Variants in KMT2C observed in about 807,000 individuals in gnomAD.
The protein encoded by KMT2C is lysine methyltransferase 2C, also known as histone-lysine N-methyltransferase 2C.
Under a neutral mutation model 507.9 loss-of-function variants are expected in KMT2C, and 88 were observed. The ratio of observed to expected loss-of-function variants is 0.17; its 90% CI spans 0.15 to 0.21. The LOEUF (loss-of-function observed/expected upper bound fraction) is 0.21. Ranked by LOEUF, KMT2C falls within the 10% of genes least tolerant of loss-of-function variation. The probability of loss-of-function intolerance (pLI) is 1.00; values close to 1 mark genes in which losing one functional copy is unlikely to be tolerated. For missense variants in KMT2C, 4,954 were observed against 5,957.8 expected, an observed-to-expected ratio of 0.83 and a Z score of 5.55; for synonymous variants, 2,049 against 2,080.8, an observed-to-expected ratio of 0.98 and a Z score of 0.42.
chr7:152,284,824 T>C (rs2096270519), intron 6 of KMT2C, among the ~76,000 whole-genome samples: 3 of 152,240 alleles, frequency 2.0e-5, no homozygotes, highest in African/African-American at 4.8e-5. Flanking sequence ...TCAATCTAAT[T>C]AATCATCAGG....
intron 5 of KMT2C, among the ~76,000 whole-genome samples, chr7:152,311,154 C>CA (rs1285667162): frequency 2.6e-5 from 4 of 152,094 alleles, no homozygotes; most frequent in African/African-American, 7.2e-5. Context: ...ATAAAGCAAA[C>CA]AAAGTATTAC....
chr7:152,399,915 C>A (rs2097561399), intron 1 of KMT2C, among the ~76,000 whole-genome samples: 2 of 150,878 alleles, frequency 1.3e-5, no homozygotes, highest in African/African-American at 4.9e-5. Context: ...GATGGCCAGA[C>A]CAAAAAAAAA....
chr7:152,281,550 G>T (rs569135741), intron 6 of KMT2C, among the ~76,000 whole-genome samples: 1 of 152,320 alleles, frequency 6.6e-6, no homozygotes, highest in African/African-American at 2.4e-5. Context: ...TGGCCAACAT[G>T]GTGAGACCCC....
At chr7:152,216,696 C>T (rs2098219) in intron 23 of KMT2C, among the ~76,000 whole-genome samples, 1 of 152,188 alleles carries the variant, frequency 6.6e-6, no homozygotes, top group African/African-American at 2.4e-5. Flanking sequence ...AAACATTAAG[C>T]TCATAGAATA....
intron 6 of KMT2C, among the ~76,000 whole-genome samples, chr7:152,282,820 T>C (rs1458402035): frequency 1.3e-5 from 2 of 152,198 alleles, no homozygotes; most frequent in African/African-American, 4.8e-5. Flanking sequence ...TTGCTATATA[T>C]ATAGCAAAGT....
intron 18 of KMT2C, among the ~76,000 whole-genome samples, chr7:152,224,858 A>G (rs1475167284): frequency 6.6e-6 from 1 of 152,170 alleles, no homozygotes; most frequent in Non-Finnish European, 1.5e-5. Context: ...AGTCCACATA[A>G]TTACCTTATG....
chr7:152,151,065 G>T, intron 50 of KMT2C, 58 bp from the exon 51 acceptor site: 2 of 1,004,312 alleles, frequency 2.0e-6, no homozygotes. Context: ...AATAAAAACA[G>T]GATCTATACA....
chr7:152,152,803 A>G lies in KMT2C; in HGVS notation c.12428T>C (p.Leu4143Pro), dbSNP rs2129097563. The change falls in exon 49 of 59, where the codon CTT (leucine) becomes CCT (proline). Residue 4143 changes from leucine (L) to proline (P), a missense_variant. By Grantham distance (98) the Leu-to-Pro change is moderately conservative. Coordinates refer to ENST00000262189, the MANE Select transcript of KMT2C (RefSeq NM_170606.3). ...AGATCCTGGCGGAGGCCCACGGAGA[A>G]GTAAATGCTGTCGATACTCCAAACC... is the stretch of plus-strand genomic sequence containing the variant. ...NPGLEYRQHL[L>P]LRGPPPGSAN... 1 of 1,614,190 alleles carries G rather than the reference A, an allele frequency of 6.2e-7. No homozygotes were observed.
chr7:152,338,281 T>C (rs2096957293), intron 2 of KMT2C, among the ~76,000 whole-genome samples: 1 of 152,238 alleles, frequency 6.6e-6, no homozygotes, highest in African/African-American at 2.4e-5. Context: ...AGAGTTAATA[T>C]ATCATTAATT....
chr7:152,375,302 A>C (rs1171612414), intron 1 of KMT2C, among the ~76,000 whole-genome samples: 1 of 149,170 alleles, frequency 6.7e-6, no homozygotes, highest in Non-Finnish European at 1.5e-5. Context: ...TCGGCCTCCC[A>C]AAGTGCTGGG....
intron 2 of KMT2C, among the ~76,000 whole-genome samples, chr7:152,342,597 TA>T (rs1210600342): frequency 6.6e-6 from 1 of 151,946 alleles, no homozygotes; most frequent in East Asian, 1.9e-4. Flanking sequence ...AACCCATGGG[TA>T]AAAAGCTCCA....
chr7:152,364,634 G>C (rs28415953), intron 1 of KMT2C, among the ~76,000 whole-genome samples: 18 of 147,724 alleles, frequency 1.2e-4, no homozygotes, highest in African/African-American at 4.7e-4. Flanking sequence ...AAGAAAAAAA[G>C]AAAAAAATGC....
chr7:152,435,773 T>A lies in KMT2C; in HGVS notation c.14A>T (p.Glu5Val), dbSNP rs1345919106. MSSE[E>V]DKSVEQPQPP... ...CTGCGGCTGCTCCACGCTCTTGTCC[T>A]CCTCCGACGACATCCTAGTCACCAG... The change falls in exon 1 of 59, where the codon GAG becomes GTG. Residue 5 changes from glutamate to valine, a missense_variant. Physicochemically the swap from Glu to Val is moderately radical, Grantham distance 121. Coordinates refer to ENST00000262189, the MANE Select transcript of KMT2C (RefSeq NM_170606.3). The A allele has an allele frequency of 1.5e-6, 2 of 1,372,408 alleles. No individual in the cohort carries two copies. Among genetic ancestry groups the A allele is most frequent in the African/African-American group, 3.2e-5 (2 of 63,468 alleles). The allele number at this position is 1,372,408 out of a possible 1,614,324, so 85.0% of individuals were successfully genotyped here.
intron 2 of KMT2C, among the ~76,000 whole-genome samples, chr7:152,337,886 T>A (rs2096952402): frequency 6.6e-6 from 1 of 151,040 alleles, no homozygotes; most frequent in Non-Finnish European, 1.5e-5. Context: ...AGACAGAGTC[T>A]CGCTCTGCCG....
At chr7:152,223,568 C>T (rs1187323701) in intron 20 of KMT2C, among the ~76,000 whole-genome samples, 8 of 151,880 alleles carry the variant, frequency 5.3e-5, no homozygotes, top group South Asian at 2.1e-4. Context: ...CTGAGGCGGG[C>T]GGTCAAAAGA....
chr7:152,307,441 C>A lies in KMT2C; in HGVS notation c.849+2525G>T, dbSNP rs1005735810. ...AAACAAACAACCGTACAAATGGCGA[C>A]ACAAAACTGACACTCCTGTGAGTTT... On this transcript the variant is annotated intron_variant, in intron 6 of 58. Coordinates refer to ENST00000262189, the MANE Select transcript of KMT2C (RefSeq NM_170606.3). 2.0e-5 allele frequency among the ~76,000 whole-genome samples: 3 copies of A among 151,966 alleles called. No homozygotes were observed. In the East Asian group the frequency reaches 5.8e-4, roughly 29 times the overall value.
intron 3 of KMT2C, among the ~76,000 whole-genome samples, chr7:152,330,169 T>TGGGGGGGGGGGGGGGG (rs376494504): frequency 2.4e-5 from 1 of 41,008 alleles, no homozygotes; most frequent in Non-Finnish European, 4.2e-5. Flanking sequence ...GGAGGGGTGG[T>TGGGGGGGGGGGGGGGG]GGGGGGGGGG....
intron 1 of KMT2C, chr7:152,366,875 C>A: frequency 3.0e-6 from 1 of 334,950 alleles, no homozygotes; most frequent in South Asian, 4.2e-5. Context: ...GAGCCGGGCG[C>A]AGCAAGGGCC....
At position 152,220,525 on chromosome 7, in the gene KMT2C, C is replaced by T. The variant is rs2094732858; in HGVS notation, c.3710G>A (p.Arg1237Gln). 1.9e-6 allele frequency: 3 copies of T among 1,600,962 alleles called. No homozygotes were observed. Among genetic ancestry groups the T allele is most frequent in the South Asian group, 2.2e-5 (2 of 90,764 alleles). ...HSRDGEMDDS[R>Q]EGELMDCDGK... ...CATGGAAAATAAATTAGTATTACCT[C>T]GACTATCATCCATTTCACCATCCCT... Residue 1237 changes from arginine to glutamine, a missense_variant and splice_region_variant, in exon 23 of 59, where the codon CGA becomes CAA. Arg to Gln is a conservative substitution (Grantham distance 43). Around this residue, in one of 29 missense-constraint regions of KMT2C, gnomAD observed 176 missense variants for 262.0 expected, o/e 0.67. Coordinates refer to ENST00000262189, the MANE Select transcript of KMT2C (RefSeq NM_170606.3).
Sources: allele counts gnomAD v4.1 joint callset (sites outside exome capture counted in the v4.1 genomes callset), GRCh38; gene constraint gnomAD v4.1.1; regional missense constraint gnomAD v4.1.1; transcripts MANE v1.5; gene names NCBI Gene and HGNC (gene_info 2026-07-23, HGNC 2026-07-21).